The following MED13L variants were observed in gnomAD, a reference collection of about 807,000 sequenced individuals.
MED13L encodes the protein mediator of RNA polymerase II transcription subunit 13-like.
In MED13L, 7 loss-of-function variants were observed where a neutral mutation model predicts 220.9. The ratio of observed to expected loss-of-function variants is 0.03; its 90% CI spans 0.02 to 0.06. The LOEUF is 0.06. Among genes scored for constraint, MED13L ranks in the 10% least tolerant of loss-of-function variants. The pLI, the probability that MED13L is intolerant of heterozygous loss-of-function variation, is 1.00. For synonymous variants in MED13L, 1,011 were observed against 1,015.2 expected, an observed-to-expected ratio of 1.00 and a Z score of 0.08; for missense variants, 1,965 against 2,760.5, an observed-to-expected ratio of 0.71 and a Z score of 6.46.
intron 1 of MED13L, among the ~76,000 whole-genome samples, chr12:116,243,499 C>T (rs1870831068): frequency 6.6e-6 from 1 of 152,034 alleles, no homozygotes; most frequent in African/African-American, 2.4e-5. Context: ...GGGATAAATG[C>T]ACTTCCTAAC....
chr12:116,096,565 T>C lies in MED13L; in HGVS notation c.479+104A>G, dbSNP rs1467299785. The stretch of plus-strand genomic sequence containing the variant: ...CTGTGATCCAGGATCTATTTGAGTA[T>C]ATCTAAACTACTAACATTATTAGGA... On this transcript the variant is annotated intron_variant, in intron 4 of 30. Coordinates refer to ENST00000281928, the MANE Select transcript of MED13L (RefSeq NM_015335.5). The C allele has an allele frequency of 6.7e-5, 53 of 790,502 alleles. No individual in the cohort carries two copies. In the East Asian group the frequency reaches 1.4e-3, roughly 21 times the overall value. The allele number at this position is 790,502 out of a possible 1,614,324, so 49.0% of individuals were successfully genotyped here.
chr12:116,167,482 C>T (rs914473570), intron 2 of MED13L, among the ~76,000 whole-genome samples: 2 of 152,054 alleles, frequency 1.3e-5, no homozygotes, highest in Admixed American at 6.5e-5. Context: ...GGAGGTTTAA[C>T]GTTTCCCCAC....
chr12:116,113,441 A>G (rs542145620), intron 2 of MED13L, among the ~76,000 whole-genome samples: 75 of 150,996 alleles, frequency 5.0e-4, no homozygotes, highest in Admixed American at 2.0e-3. Context: ...GATCAAGACC[A>G]GCCTGGGCAA....
intron 2 of MED13L, among the ~76,000 whole-genome samples, chr12:116,116,390 A>T (rs1275453305): frequency 1.3e-5 from 2 of 152,180 alleles, no homozygotes; most frequent in Non-Finnish European, 2.9e-5. Flanking sequence ...GCTTCAAAAT[A>T]ACTGGACACA....
chr12:116,008,490 A>G lies in MED13L; in HGVS notation c.1923T>C (p.Ser641=). 1 of 1,613,614 alleles carries G rather than the reference A, an allele frequency of 6.2e-7. No individual in the cohort carries two copies. The highest frequency in any genetic ancestry group is 1.1e-5 in the South Asian group (1 of 91,044). ...CTGGAGGCCTGAACTCAGCATCATC[A>G]CTGGGTGGGAGACGATAACTATGCC... ...KWWHSYRLPP[S]DDAEFRPPEL... Residue 641 remains serine (S), a synonymous_variant, in exon 10 of 31, where the codon AGT becomes AGC. Transcript: ENST00000281928.
At chr12:116,043,054 G>A (rs962433331) in intron 4 of MED13L, among the ~76,000 whole-genome samples, 18 of 152,090 alleles carry the variant, frequency 1.2e-4, no homozygotes, top group Admixed American at 1.3e-4. Context: ...TGTGCCTGGG[G>A]TCATCACTGG....
At chr12:116,041,679 C>T (rs758621730) in intron 4 of MED13L, among the ~76,000 whole-genome samples, 3 of 152,150 alleles carry the variant, frequency 2.0e-5, no homozygotes, top group Admixed American at 6.5e-5. Flanking sequence ...CCCGTCTCTA[C>T]CAAAAATTAG....
intron 19 of MED13L, among the ~76,000 whole-genome samples, chr12:115,984,575 A>G (rs1311975955): frequency 1.3e-5 from 2 of 152,114 alleles, no homozygotes; most frequent in Non-Finnish European, 2.9e-5. Flanking sequence ...CTGTCTCTCT[A>G]AAACTTGGAC....
chr12:116,148,051 CAAAAAAAAA>C (rs10678970), intron 2 of MED13L, among the ~76,000 whole-genome samples: 3 of 18,140 alleles, frequency 1.7e-4, no homozygotes, highest in Admixed American at 1.8e-3. Context: ...GACCCCATCT[CAAAAAAAAA>C]AAAAAAAAAA....
intron 3 of MED13L, among the ~76,000 whole-genome samples, chr12:116,098,442 A>T (rs577028121): frequency 6.6e-6 from 1 of 152,218 alleles, no homozygotes; most frequent in South Asian, 2.1e-4. Context: ...CTACCAGCAA[A>T]AGAGTTATAT....
chr12:116,263,126 T>C (rs2138564211), intron 1 of MED13L, among the ~76,000 whole-genome samples: 1 of 152,304 alleles, frequency 6.6e-6, no homozygotes, highest in Non-Finnish European at 1.5e-5. Flanking sequence ...GGCTCAGGTG[T>C]CATAAATCTG....
intron 2 of MED13L, among the ~76,000 whole-genome samples, chr12:116,138,934 G>C (rs1441801205): frequency 2.0e-5 from 3 of 152,156 alleles, no homozygotes; most frequent in Non-Finnish European, 2.9e-5. Flanking sequence ...TATTTGACTA[G>C]TAACTGCTTA....
rs1879645408 is a variant in MED13L, at chr12:116,015,118, G to T, written c.1166C>A (p.Thr389Asn). Residue 389 changes from threonine (T) to asparagine (N), a missense_variant, in exon 8 of 31, where the codon ACC becomes AAC. Thr to Asn is a moderately conservative substitution (Grantham distance 65). This residue lies in a region of MED13L where 818 missense variants were observed against 1,041.2 expected (regional missense o/e 0.79). Coordinates refer to ENST00000281928, the MANE Select transcript of MED13L (RefSeq NM_015335.5). ...RVWKECILNR[T>N]QSKRSQMSTP... is the part of the protein sequence containing the mutation. ...AATCGAGAAAACTTACTTGGACTGG[G>T]TTCTGTTGAGGATGCATTCCTTCCA... 1.2e-6 allele frequency: 2 copies of T among 1,613,488 alleles called. No homozygotes were observed. The highest frequency in any genetic ancestry group is 1.7e-6 in the Non-Finnish European group (2 of 1,179,536).
At chr12:116,242,826 T>C (rs1043123609) in intron 1 of MED13L, among the ~76,000 whole-genome samples, 1 of 152,218 alleles carries the variant, frequency 6.6e-6, no homozygotes, top group Non-Finnish European at 1.5e-5. Context: ...ATTTAAGCTG[T>C]AACTGAATTT....
intron 2 of MED13L, among the ~76,000 whole-genome samples, chr12:116,156,001 A>G (rs1369399646): frequency 7.7e-6 from 1 of 130,650 alleles, no homozygotes; most frequent in Non-Finnish European, 1.8e-5. Context: ...ACTCAACTCA[A>G]TAAGGGAAAA....
At chr12:116,119,243 G>A (rs1320498182) in intron 2 of MED13L, among the ~76,000 whole-genome samples, 2 of 152,120 alleles carry the variant, frequency 1.3e-5, no homozygotes, top group African/African-American at 2.4e-5. Context: ...GCTCCTGGTC[G>A]ACACCTTTGA....
chr12:116,026,836 G>T (rs1165708863), intron 4 of MED13L, among the ~76,000 whole-genome samples: 1 of 152,148 alleles, frequency 6.6e-6, no homozygotes, highest in African/African-American at 2.4e-5. Flanking sequence ...AGCACTGCTT[G>T]TAATAAAGTC....
intron 4 of MED13L, among the ~76,000 whole-genome samples, chr12:116,051,289 C>T (rs913089574): frequency 1.3e-5 from 2 of 151,296 alleles, no homozygotes; most frequent in Non-Finnish European, 2.9e-5. Flanking sequence ...GATGACAGAG[C>T]GAGACTCTGT....
chr12:116,040,583 T>C (rs1020841585), intron 4 of MED13L, among the ~76,000 whole-genome samples: 1 of 152,132 alleles, frequency 6.6e-6, no homozygotes, highest in African/African-American at 2.4e-5. Context: ...AAATAAAAGA[T>C]TCCATCAGAT....
Sources: allele counts gnomAD v4.1 joint callset (sites outside exome capture counted in the v4.1 genomes callset), GRCh38; gene constraint gnomAD v4.1.1; regional missense constraint gnomAD v4.1.1; transcripts MANE v1.5; gene names NCBI Gene and HGNC (gene_info 2026-07-23, HGNC 2026-07-21).